SUMF1: variants seen among roughly 807,000 people sequenced by gnomAD.
The protein encoded by SUMF1 is sulfatase modifying factor 1, also known as formylglycine-generating enzyme.
SUMF1 carries 48 observed loss-of-function variants against 47.6 expected under a neutral mutation model. The observed-to-expected ratio is 1.01, with a 90% CI of 0.80 to 1.28. The LOEUF (loss-of-function observed/expected upper bound fraction) is 1.28, where lower values mean the gene tolerates loss of function less well. Among genes scored for constraint, SUMF1 ranks in the 50% most tolerant of loss-of-function variants. The pLI is 0.00. For synonymous variants in SUMF1, 230 were observed against 192.1 expected (o/e 1.20, Z -1.63); for missense variants, 571 against 485.4 (o/e 1.18, Z -1.66).
At chr3:4,085,823 A>T (rs970190913) in intron 8 of SUMF1, among the ~76,000 whole-genome samples, 1 of 152,092 alleles carries the variant, frequency 6.6e-6, no homozygotes, top group Non-Finnish European at 1.5e-5. Context: ...TGCTTTCTTG[A>T]CATTATACTA....
At chr3:4,194,633 G>A (rs1306799398) in intron 8 of SUMF1, among the ~76,000 whole-genome samples, 1 of 152,160 alleles carries the variant, frequency 6.6e-6, no homozygotes, top group Non-Finnish European at 1.5e-5. Context: ...AAGTTGTGGT[G>A]AGAATTACAG....
intron 8 of SUMF1, among the ~76,000 whole-genome samples, chr3:4,089,599 CT>C (rs916859300): frequency 6.6e-5 from 10 of 152,158 alleles, no homozygotes; most frequent in African/African-American, 2.2e-4. Flanking sequence ...AAATAAAGCA[CT>C]GGATAAAAAA....
intron 7 of SUMF1, among the ~76,000 whole-genome samples, chr3:4,406,019 CTTCT>C (rs1254349497): frequency 2.0e-5 from 3 of 152,152 alleles, no homozygotes; most frequent in African/African-American, 7.2e-5. Flanking sequence ...TTTCCCTCTG[CTTCT>C]TTTTTTCTTT....
chr3:4,066,108 C>A (rs1317116578), intron 9 of SUMF1, among the ~76,000 whole-genome samples: 1 of 152,038 alleles, frequency 6.6e-6, no homozygotes, highest in African/African-American at 2.4e-5. Flanking sequence ...AAAAGTGGAT[C>A]TGGAAGGGAA....
chr3:4,066,212 G>T (rs902606275), intron 9 of SUMF1, among the ~76,000 whole-genome samples: 1 of 150,150 alleles, frequency 6.7e-6, no homozygotes, highest in Non-Finnish European at 1.5e-5. Context: ...TTCAAAAATT[G>T]CAAAAATGCC....
At chr3:4,261,857 G>A (rs1697094166) in intron 8 of SUMF1, among the ~76,000 whole-genome samples, 1 of 152,186 alleles carries the variant, frequency 6.6e-6, no homozygotes, top group Non-Finnish European at 1.5e-5. Flanking sequence ...ACGGAGTCAG[G>A]TGGCAGGACC....
intron 8 of SUMF1, among the ~76,000 whole-genome samples, chr3:4,131,453 G>C (rs906446604): frequency 6.6e-6 from 1 of 152,150 alleles, no homozygotes; most frequent in Non-Finnish European, 1.5e-5. Flanking sequence ...CCCAAAAGTG[G>C]ACAGCTGCAC....
intron 8 of SUMF1, among the ~76,000 whole-genome samples, chr3:4,135,873 C>T (rs947790154): frequency 6.6e-6 from 1 of 152,118 alleles, no homozygotes; most frequent in African/African-American, 2.4e-5. Context: ...CTCCCGTTCA[C>T]AATTGCTTCA....
chr3:4,109,922 A>G (rs1693252473), intron 8 of SUMF1, among the ~76,000 whole-genome samples: 1 of 151,890 alleles, frequency 6.6e-6, no homozygotes, highest in Non-Finnish European at 1.5e-5. Flanking sequence ...TCTTCTCTCA[A>G]CTCGTCAAAG....
chr3:4,361,816 C>A lies in SUMF1; in HGVS notation c.*328G>T, dbSNP rs1699767088. On this transcript the variant is annotated 3_prime_UTR_variant, in exon 9 of 9. Coordinates refer to ENST00000272902, the MANE Select transcript of SUMF1 (RefSeq NM_182760.4). ...AGGCCCAGGAAGGTCAAGCGTCGGA[C>A]CTGGGGTCTAACCCCTGTGGCAGAG... The A allele has an allele frequency of 2.8e-6, 1 of 352,860 alleles. No individual in the cohort carries two copies. The highest frequency in any genetic ancestry group is 2.1e-5 in the African/African-American group (1 of 47,748). 21.9% of individuals were successfully genotyped at this position (352,860 alleles called of 1,614,324 possible).
intron 7 of SUMF1, among the ~76,000 whole-genome samples, chr3:4,408,783 C>T (rs930814536): frequency 2.0e-5 from 3 of 151,962 alleles, no homozygotes; most frequent in Admixed American, 6.6e-5. Flanking sequence ...CCAGTCTGGC[C>T]AAAATGGCGA....
At chr3:4,366,578 T>A (rs6442883) in intron 8 of SUMF1, among the ~76,000 whole-genome samples, 88,513 of 145,828 alleles carry the variant, frequency 0.61, 27,529 homozygotes, top group East Asian at 0.75. Context: ...AGCTCCTTTA[T>A]GCACTTCTCT....
chr3:4,158,197 A>C (rs1694496922), intron 8 of SUMF1, among the ~76,000 whole-genome samples: 1 of 151,678 alleles, frequency 6.6e-6, no homozygotes, highest in African/African-American at 2.4e-5. Context: ...AACATAAAAT[A>C]CAAGGCAGTA....
intron 8 of SUMF1, among the ~76,000 whole-genome samples, chr3:4,205,193 C>T (rs1365793100): frequency 6.6e-6 from 1 of 152,120 alleles, no homozygotes; most frequent in Non-Finnish European, 1.5e-5. Flanking sequence ...GCAATCTTCC[C>T]CAACCCTTAA....
intron 3 of SUMF1, among the ~76,000 whole-genome samples, chr3:4,448,641 C>A (rs1270814693): frequency 6.6e-6 from 1 of 152,166 alleles, no homozygotes; most frequent in Non-Finnish European, 1.5e-5. Context: ...AACAAGAATC[C>A]CAAGTTCCAC....
chr3:4,276,722 T>C (rs1490435132), intron 8 of SUMF1, among the ~76,000 whole-genome samples: 2 of 152,194 alleles, frequency 1.3e-5, no homozygotes, highest in East Asian at 3.8e-4. Context: ...CTTTTTGTTT[T>C]CCTGTTTTCC....
chr3:4,084,122 C>T (rs748486306), intron 8 of SUMF1, among the ~76,000 whole-genome samples: 10 of 151,964 alleles, frequency 6.6e-5, no homozygotes, highest in Non-Finnish European at 1.0e-4. Context: ...TTATCTGACC[C>T]CCACTCTAAT....
chr3:4,179,410 A>C (rs1363896726), intron 8 of SUMF1, among the ~76,000 whole-genome samples: 3 of 152,206 alleles, frequency 2.0e-5, no homozygotes, highest in African/African-American at 7.2e-5. Flanking sequence ...ATCTTTGATA[A>C]ACCTGACAAA....
intron 8 of SUMF1, among the ~76,000 whole-genome samples, chr3:4,154,798 T>G (rs1159265139): frequency 6.6e-6 from 1 of 151,748 alleles, no homozygotes; most frequent in Non-Finnish European, 1.5e-5. Flanking sequence ...AAGATGAGGA[T>G]GCTCACCAGC....
Sources: gnomAD v4.1 joint callset for allele counts (sites outside exome capture counted in the v4.1 genomes callset) on GRCh38, gnomAD v4.1.1 for gene constraint, MANE v1.5 for transcripts, NCBI Gene and HGNC (gene_info 2026-07-23, HGNC 2026-07-21) for gene names.